Variants in ZNF34 observed in about 807,000 individuals in gnomAD.
ZNF34 encodes zinc finger protein 34 (KOX 32).
In ZNF34, 8 loss-of-function variants were observed where a neutral mutation model predicts 14.4. That is an observed-to-expected ratio of 0.55 (90% CI 0.33 to 1.00). The LOEUF (loss-of-function observed/expected upper bound fraction) is 1.00. ZNF34 is among the 50% of genes least tolerant of loss of function. The pLI is 0.03. For synonymous variants in ZNF34, 235 were observed against 247.9 expected, an observed-to-expected ratio of 0.95 and a Z score of 0.49; for missense variants, 538 against 674.2, an observed-to-expected ratio of 0.80 and a Z score of 2.24.
At position 144,778,507 on chromosome 8, in the gene ZNF34, G is replaced by C. The variant is rs748694127; in HGVS notation, c.-36C>G. ...TTGGGCTTTCTGAGGGCAGTGAGCA[G>C]GAGCTGGTCACTGAGGAGCTGAGGG... On this transcript the variant is annotated 5_prime_UTR_variant, in exon 3 of 6. Transcript: ENST00000429371. 6.3e-7 allele frequency: 1 copy of C among 1,584,154 alleles called. No homozygotes were observed. The highest frequency in any genetic ancestry group is 1.3e-5 in the African/African-American group (1 of 74,398).
intron 5 of ZNF34, among the ~76,000 whole-genome samples, chr8:144,775,389 G>C (rs1017556459): frequency 1.3e-5 from 2 of 152,218 alleles, no homozygotes; most frequent in Non-Finnish European, 2.9e-5. Flanking sequence ...ACACGCGCCA[G>C]AAATGTATTC....
In ZNF34 at chr8:144,773,059, GCTT is replaced by G. The variant is rs1384329698; in HGVS notation, c.*204_*206del. 8 of 529,326 alleles carry G rather than the reference GCTT, an allele frequency of 1.5e-5. No homozygotes were observed. Among genetic ancestry groups the G allele is most frequent in the Non-Finnish European group, 2.2e-5 (7 of 317,820 alleles). The allele number at this position is 529,326 out of a possible 1,614,324, so 32.8% of individuals were successfully genotyped here. Reference sequence around the variant, plus strand: ...TTTCTAAGTGGGAGAGATCACAGAAGCTTCTTTTTTGCCCACTTTTCTGTCTCA... The same window carrying G: ...TTTCTAAGTGGGAGAGATCACAGAAGCTTTTTTGCCCACTTTTCTGTCTCA... On this transcript the variant is annotated 3_prime_UTR_variant, in exon 6 of 6. Coordinates refer to ENST00000429371, the MANE Select transcript of ZNF34 (RefSeq NM_001286769.2). The surrounding 1 kb of genome is among the most constrained non-coding windows in gnomAD (Gnocchi z 5.4).
intron 3 of ZNF34, 64 bp downstream of exon 3, chr8:144,778,375 G>C: frequency 2.8e-6 from 4 of 1,435,308 alleles, no homozygotes. Context: ...GAGACACCTG[G>C]CAGTGTTTGC....
rs781556234 is a variant in ZNF34, at chr8:144,778,475, C to CT, written c.-5dup. ...CAGACAGGAACAAGGCCGCCATTGC[C>CT]TGAGGGTTGGGCTTTCTGAGGGCAG... On this transcript the variant is annotated 5_prime_UTR_variant, in exon 3 of 6. Transcript: ENST00000429371. 6.3e-7 allele frequency: 1 copy of CT among 1,592,952 alleles called. No homozygotes were observed. Among genetic ancestry groups the CT allele is most frequent in the Admixed American group, 1.8e-5 (1 of 56,376 alleles).
intron 5 of ZNF34, 53 bp from the exon 6 acceptor site, chr8:144,774,658 A>G: frequency 6.5e-7 from 1 of 1,545,606 alleles, no homozygotes; most frequent in Non-Finnish European, 8.7e-7. Flanking sequence ...TCTGGAAGGT[A>G]GGCATGAGAT....
rs1348788942 is a variant in ZNF34 at position 144,773,447 on chromosome 8, T to C, written c.1439A>G (p.Lys480Arg). Reference sequence around the variant, plus strand: ...CTTGCAATCGCTGCATCTGTAGGGTTTCTCTCCGTGGTGCAGCCTCTGGTG... The same window carrying C: ...CTTGCAATCGCTGCATCTGTAGGGTCTCTCTCCGTGGTGCAGCCTCTGGTG... ...IHHQRLHHGEKPYRCSDCKKA... is the reference protein window; with the variant it reads ...IHHQRLHHGERPYRCSDCKKA... Residue 480 changes from lysine to arginine, a missense_variant, in exon 6 of 6, where the codon AAA (lysine) becomes AGA (arginine). This residue lies in a region of ZNF34 where 101 missense variants were observed against 123.1 expected (regional missense o/e 0.82). Transcript: ENST00000429371. The surrounding 1 kb of genome is among the most constrained non-coding windows in gnomAD (Gnocchi z 5.4). The C allele has an allele frequency of 2.5e-6, 4 of 1,613,950 alleles. No individual in the cohort carries two copies. Among genetic ancestry groups the C allele is most frequent in the Non-Finnish European group, 3.4e-6 (4 of 1,180,022 alleles).
At position 144,777,160 on chromosome 8, in the gene ZNF34, C is replaced by A. The variant is rs979115061; in HGVS notation, c.280+298G>T. Among the ~76,000 whole-genome samples, 6 of 152,002 alleles carry A rather than the reference C, an allele frequency of 3.9e-5. No individual in the cohort carries two copies. Among genetic ancestry groups the A allele is most frequent in the Middle Eastern group, 3.2e-3 (1 of 316 alleles). ...CAGGGTTCTGTGGGGTTCCGCAGAC[C>A]CTAACAGCACCCCTGTTCTGCACCT... On this transcript the variant is annotated intron_variant, in intron 5 of 5. Coordinates refer to ENST00000429371, the MANE Select transcript of ZNF34 (RefSeq NM_001286769.2). This position sits in a 1 kb window ranked among gnomAD's most constrained non-coding sequence, Gnocchi z 4.8.
In ZNF34 at chr8:144,778,818, G is replaced by A. The variant is rs369051649; in HGVS notation, c.-54-293C>T. On this transcript the variant is annotated intron_variant, in intron 2 of 5. Transcript: ENST00000429371. Reference sequence around the variant, plus strand: ...CGTGATCTCGGCTCACTGCAGCCTCGACCTCCTGAGCTCAAGCAGTTCTCT... The same window carrying A: ...CGTGATCTCGGCTCACTGCAGCCTCAACCTCCTGAGCTCAAGCAGTTCTCT... Among the ~76,000 whole-genome samples, 10 of 151,366 alleles carry A rather than the reference G, an allele frequency of 6.6e-5. No individual in the cohort carries two copies. The South Asian group carries it at 1.0e-3, about 16-fold the overall frequency.
intron 5 of ZNF34, among the ~76,000 whole-genome samples, chr8:144,776,622 G>A: frequency 6.6e-6 from 1 of 150,938 alleles, no homozygotes; most frequent in East Asian, 2.0e-4. Flanking sequence ...AACAGCATCT[G>A]AGCCAGGTGC....
Position 144,773,153 on chromosome 8 carries a change from C to T in ZNF34, c.*113G>A, listed in dbSNP as rs1003342273. The T allele has an allele frequency of 4.3e-6, 5 of 1,159,744 alleles. No homozygotes were observed. Among genetic ancestry groups the T allele is most frequent in the Non-Finnish European group, 5.9e-6 (5 of 854,436 alleles). 71.8% of individuals were successfully genotyped at this position (1,159,744 alleles called of 1,614,324 possible). A position where few individuals can be genotyped will look rare whatever the true frequency, so the allele number is the denominator to read the frequency against. On this transcript the variant is annotated 3_prime_UTR_variant, in exon 6 of 6. Coordinates refer to ENST00000429371, the MANE Select transcript of ZNF34 (RefSeq NM_001286769.2). The surrounding 1 kb of genome is among the most constrained non-coding windows in gnomAD (Gnocchi z 5.4). ...AAGAGGTTTGTTTAATGAGAAACGTCCTTTCACTCTGTGAAAACATCGTGT... is the reference window on the plus strand; with the variant it reads ...AAGAGGTTTGTTTAATGAGAAACGTTCTTTCACTCTGTGAAAACATCGTGT...
chr8:144,784,282 G>C (rs1021000087), intron 1 of ZNF34, among the ~76,000 whole-genome samples: 3 of 151,330 alleles, frequency 2.0e-5, no homozygotes, highest in Non-Finnish European at 4.4e-5. Flanking sequence ...TTTAAGTATA[G>C]GAAAAAAGAT....
chr8:144,774,670 C>T, intron 5 of ZNF34, 65 bp from the exon 6 acceptor site: 1 of 1,528,828 alleles, frequency 6.5e-7, no homozygotes, highest in Non-Finnish European at 8.7e-7. Context: ...GCATGAGATG[C>T]TGCTGGCCAC....
rs1407665483 is a variant in ZNF34, at chr8:144,786,420, G to A, written c.-108+859C>T. ...AGGCTGGGGCGGGCAGATCACTTGA[G>A]GTCAGGAGTTCGAGACCAGCCTGGC... On this transcript the variant is annotated intron_variant, in intron 1 of 5. Coordinates refer to ENST00000429371, the MANE Select transcript of ZNF34 (RefSeq NM_001286769.2). Among the ~76,000 whole-genome samples, 2 of 151,874 alleles carry A rather than the reference G, an allele frequency of 1.3e-5. 1 individual carries two copies. The highest frequency in any genetic ancestry group is 4.1e-4 in the South Asian group (2 of 4,826).
chr8:144,775,216 G>A (rs1162805929), intron 5 of ZNF34, among the ~76,000 whole-genome samples: 1 of 152,198 alleles, frequency 6.6e-6, no homozygotes. Context: ...CACTGCACAT[G>A]AACAGGTGCT....
intron 5 of ZNF34, among the ~76,000 whole-genome samples, chr8:144,775,000 C>T (rs1005831331): frequency 1.3e-5 from 2 of 152,240 alleles, no homozygotes; most frequent in African/African-American, 2.4e-5. Context: ...ACTCACCTAC[C>T]TTTCTGAGCC....
chr8:144,777,939 A>G lies in ZNF34; in HGVS notation c.160+99T>C, dbSNP rs1394588959. 26 of 1,527,746 alleles carry G rather than the reference A, an allele frequency of 1.7e-5. No individual in the cohort carries two copies. The highest frequency in any genetic ancestry group is 2.2e-5 in the Non-Finnish European group (25 of 1,124,956). The allele number at this position is 1,527,746 out of a possible 1,614,324, so 94.6% of individuals were successfully genotyped here. On this transcript the variant is annotated intron_variant, in intron 4 of 5. Coordinates refer to ENST00000429371, the MANE Select transcript of ZNF34 (RefSeq NM_001286769.2). The surrounding 1 kb of genome is among the most constrained non-coding windows in gnomAD (Gnocchi z 4.8). ...GTGCCTGCCTGGGATAAAGGTCATC[A>G]CCTATCTGTGCCCAGGGGGTGAGGC...
chr8:144,773,209 C>CG lies in ZNF34; in HGVS notation c.*56dup. The CG allele has an allele frequency of 4.6e-6, 7 of 1,522,782 alleles. No homozygotes were observed. Among genetic ancestry groups the CG allele is most frequent in the Non-Finnish European group, 5.3e-6 (6 of 1,132,134 alleles). The allele number at this position is 1,522,782 out of a possible 1,614,324, so 94.3% of individuals were successfully genotyped here. A position where few individuals can be genotyped will look rare whatever the true frequency, so the allele number is the denominator to read the frequency against. On this transcript the variant is annotated 3_prime_UTR_variant, in exon 6 of 6. Transcript: ENST00000429371. The surrounding 1 kb of genome is among the most constrained non-coding windows in gnomAD (Gnocchi z 5.4). Reference sequence around the variant, plus strand: ...ATACATAAAGGGCAGAGTCAGGTGCCGGGGGCGCATGCAGGAAGTGCTCAG... The same window carrying CG: ...ATACATAAAGGGCAGAGTCAGGTGCCGGGGGGCGCATGCAGGAAGTGCTCAG...
chr8:144,786,890 A>G (rs1281951629), intron 1 of ZNF34, among the ~76,000 whole-genome samples: 1 of 151,858 alleles, frequency 6.6e-6, no homozygotes, highest in African/African-American at 2.4e-5. Flanking sequence ...GCCCCTGAAA[A>G]GCTGACAGGA....
chr8:144,783,578 C>T (rs989853841), intron 1 of ZNF34, among the ~76,000 whole-genome samples: 2 of 152,100 alleles, frequency 1.3e-5, no homozygotes, highest in Non-Finnish European at 2.9e-5. Context: ...TGTCAGCAAT[C>T]AGCAACCGAA....
Sources: allele counts gnomAD v4.1 joint callset (sites outside exome capture counted in the v4.1 genomes callset), GRCh38; gene constraint gnomAD v4.1.1; regional missense constraint gnomAD v4.1.1; non-coding constraint Gnocchi (gnomAD v3.1); transcripts MANE v1.5; gene names NCBI Gene and HGNC (gene_info 2026-07-23, HGNC 2026-07-21).